The following FAHD2A variants were observed in gnomAD, a reference collection of about 807,000 sequenced individuals.
FAHD2A encodes fumarylacetoacetate hydrolase domain containing 2A.
In FAHD2A, 27 loss-of-function variants were observed where a neutral mutation model predicts 33.4. The observed-to-expected ratio is 0.81, with a 90% confidence interval of 0.60 to 1.11. The LOEUF (loss-of-function observed/expected upper bound fraction) is 1.11, where lower values mean the gene tolerates loss of function less well. FAHD2A is among the 50% of genes most tolerant of loss of function. The pLI, the probability that FAHD2A is intolerant of heterozygous loss-of-function variation, is 0.00. For synonymous variants in FAHD2A, 130 were observed against 153.3 expected (o/e 0.85, Z 1.12); for missense variants, 296 against 395.0 (o/e 0.75, Z 2.12).
chr2:95,417,665 G>A (rs537868871), downstream of FAHD2A, among the ~76,000 whole-genome samples: 4 of 152,218 alleles, frequency 2.6e-5, no homozygotes, highest in East Asian at 7.7e-4. Context: ...GCTGCTGAAG[G>A]GAACAACCAT....
intron 3 of FAHD2A, among the ~76,000 whole-genome samples, chr2:95,409,306 T>A (rs1340678976): frequency 6.6e-6 from 1 of 152,080 alleles, no homozygotes; most frequent in Admixed American, 6.6e-5. Flanking sequence ...GCACTGGGGG[T>A]TAGAGAACAA....
At position 95,410,914 on chromosome 2, in the gene FAHD2A, G is replaced by A. The variant is rs771772969; in HGVS notation, c.573G>A (p.Val191=). The change falls in exon 5 of 8, where the codon GTG becomes GTA. Residue 191 remains valine, a synonymous_variant. Coordinates refer to ENST00000233379, the MANE Select transcript of FAHD2A (RefSeq NM_016044.3). ...HVAGFTVAHD[V]SARDWQMRRN... ...CCGGCTTCACTGTGGCTCATGACGT[G>A]AGTGCTCGTGACTGGCAAATGAGAC... The A allele has an allele frequency of 1.6e-5, 26 of 1,613,894 alleles. No individual in the cohort carries two copies. Among genetic ancestry groups the A allele is most frequent in the Non-Finnish European group, 1.8e-5 (21 of 1,179,872 alleles).
chr2:95,409,321 C>CTT, intron 3 of FAHD2A, among the ~76,000 whole-genome samples: 1 of 146,536 alleles, frequency 6.8e-6, no homozygotes, highest in East Asian at 2.0e-4. Context: ...GAACAATGAC[C>CTT]TTTTTTTTTT....
chr2:95,421,005 C>CTGTGTGTGTGTG (rs57970330), downstream of FAHD2A, among the ~76,000 whole-genome samples: 37 of 129,966 alleles, frequency 2.8e-4, no homozygotes, highest in African/African-American at 6.7e-4. Context: ...GAATGAACCT[C>CTGTGTGTGTGTG]TGTGTGTGTG....
In FAHD2A at chr2:95,404,865, A is replaced by T. The variant is rs546642021; in HGVS notation, c.-6-688A>T. On this transcript the variant is annotated intron_variant, in intron 1 of 7. Transcript: ENST00000233379. ...CAGGCAACTTGTTCTCTATCAGGAG[A>T]AACGAAATAATTATTATCTGGAGAG... is the stretch of plus-strand genomic sequence containing the variant. Among the ~76,000 whole-genome samples, 7 of 152,302 alleles carry T rather than the reference A, an allele frequency of 4.6e-5. No homozygotes were observed. The East Asian group carries it at 1.2e-3, about 25-fold the overall frequency.
intron 3 of FAHD2A, among the ~76,000 whole-genome samples, chr2:95,408,557 A>G (rs941303563): frequency 6.6e-6 from 1 of 152,224 alleles, no homozygotes; most frequent in Non-Finnish European, 1.5e-5. Flanking sequence ...TCTTAGGTGG[A>G]TAGCAGCAGG....
chr2:95,412,820 A>G (rs1682763851), intron 7 of FAHD2A, 56 bp downstream of exon 7: 1 of 1,614,252 alleles, frequency 6.2e-7, no homozygotes, highest in Non-Finnish European at 8.5e-7. Context: ...GGCTTGCCTC[A>G]GACTTGAGAA....
chr2:95,410,452 A>G (rs1180929856), intron 3 of FAHD2A, 75 bp from the exon 4 acceptor site: 49 of 1,549,264 alleles, frequency 3.2e-5, no homozygotes, highest in Admixed American at 5.8e-5. Flanking sequence ...GCCCTTCAGC[A>G]TGGTGTGCAG....
downstream of FAHD2A, among the ~76,000 whole-genome samples, chr2:95,417,475 T>A (rs1683242414): frequency 6.6e-6 from 1 of 152,014 alleles, no homozygotes; most frequent in Non-Finnish European, 1.5e-5. Flanking sequence ...GGAAAAAAAA[T>A]GCAGAATTAA....
chr2:95,407,954 C>T (rs1681871498), intron 3 of FAHD2A, among the ~76,000 whole-genome samples: 1 of 151,674 alleles, frequency 6.6e-6, no homozygotes. Flanking sequence ...ATAACTTTTC[C>T]ACCTGGTTTC....
Position 95,413,222 on chromosome 2 carries a change from C to A in FAHD2A, c.*265C>A, listed in dbSNP as rs536060537. 12 of 1,108,294 alleles carry A rather than the reference C, an allele frequency of 1.1e-5. No homozygotes were observed. Among genetic ancestry groups the A allele is most frequent in the Non-Finnish European group, 1.5e-5 (12 of 789,274 alleles). The allele number at this position is 1,108,294 out of a possible 1,614,324, so 68.7% of individuals were successfully genotyped here. Reference sequence around the variant, plus strand: ...GGACTGGGGAAGAAGAGAGCAAATACACACACATATGCCAAAAAGATGCTG... The same window carrying A: ...GGACTGGGGAAGAAGAGAGCAAATAAACACACATATGCCAAAAAGATGCTG... On this transcript the variant is annotated 3_prime_UTR_variant, in exon 8 of 8. Transcript: ENST00000233379.
At chr2:95,412,870 A>G in intron 7 of FAHD2A, 25 bp from the exon 8 acceptor site, 1 of 1,614,266 alleles carries the variant, frequency 6.2e-7, no homozygotes. Context: ...AAGGGCTGAC[A>G]CTGTCATGGC....
intron 4 of FAHD2A, 31 bp from the exon 5 acceptor site, chr2:95,410,833 T>A: frequency 6.2e-7 from 1 of 1,612,804 alleles, no homozygotes; most frequent in South Asian, 1.1e-5. Flanking sequence ...TGATCTAACC[T>A]CCTGTATGGC....
Position 95,412,506 on chromosome 2 carries a change from T to G in FAHD2A, c.758T>G (p.Val253Gly). ...VVQSGNTNQM[V>G]FKTEDLIAWV... ...CAGAGCGGCAACACCAACCAGATGGTATTCAAGACAGAGGACCTGATAGCC... is the reference window on the plus strand; with the variant it reads ...CAGAGCGGCAACACCAACCAGATGGGATTCAAGACAGAGGACCTGATAGCC... The change falls in exon 6 of 8, where the codon GTA (valine) becomes GGA (glycine). Residue 253 changes from valine (V) to glycine (G), a missense_variant. Coordinates refer to ENST00000233379, the MANE Select transcript of FAHD2A (RefSeq NM_016044.3). 6.2e-7 allele frequency: 1 copy of G among 1,613,934 alleles called. No individual in the cohort carries two copies. Among genetic ancestry groups the G allele is most frequent in the Non-Finnish European group, 8.5e-7 (1 of 1,179,854 alleles).
At chr2:95,412,275 T>C (rs777145405) in intron 5 of FAHD2A, among the ~76,000 whole-genome samples, 159 bp from the exon 6 acceptor site, 1 of 152,052 alleles carries the variant, frequency 6.6e-6, no homozygotes, top group African/African-American at 2.4e-5. Flanking sequence ...GGCCAATGTC[T>C]ATACAGAAAG....
In FAHD2A at chr2:95,405,593, T is replaced by C. The variant is rs150496534; in HGVS notation, c.35T>C (p.Val12Ala). 4.0e-4 allele frequency: 647 copies of C among 1,613,682 alleles called. No individual in the cohort carries two copies. The East Asian group carries it at 4.1e-3, about 10-fold the overall frequency. ...TCTGGTAGAAGAAGGTTACTCACAG[T>C]TCTGCTGCAGGCTCAGAAGTGGCCC... is the stretch of plus-strand genomic sequence containing the variant. ...LVSGRRRLLT[V>A]LLQAQKWPFQ... The change falls in exon 2 of 8, where the codon GTT becomes GCT. Residue 12 changes from valine (V) to alanine (A), a missense_variant. Val to Ala is a moderately conservative substitution (Grantham distance 64). Transcript: ENST00000233379.
In FAHD2A at chr2:95,413,270, C is replaced by T. The variant is rs1273681328; in HGVS notation, c.*313C>T. On this transcript the variant is annotated 3_prime_UTR_variant, in exon 8 of 8. Coordinates refer to ENST00000233379, the MANE Select transcript of FAHD2A (RefSeq NM_016044.3). ...CTGCTGGGCTGGGGAAAAGACAATTCGTGTCGTCCCCTTGTTTATCACATC... is the reference window on the plus strand; with the variant it reads ...CTGCTGGGCTGGGGAAAAGACAATTTGTGTCGTCCCCTTGTTTATCACATC... 2.8e-5 allele frequency: 37 copies of T among 1,341,132 alleles called. No homozygotes were observed. The highest frequency in any genetic ancestry group is 1.0e-4 in the African/African-American group (7 of 67,560). The allele number at this position is 1,341,132 out of a possible 1,614,324, so 83.1% of individuals were successfully genotyped here. A position where few individuals can be genotyped will look rare whatever the true frequency, so the allele number is the denominator to read the frequency against.
chr2:95,413,753 T>G lies in FAHD2A; in HGVS notation c.*796T>G, dbSNP rs564242850. 1.4e-6 allele frequency: 1 copy of G among 722,268 alleles called. No individual in the cohort carries two copies. The highest frequency in any genetic ancestry group is 1.8e-5 in the African/African-American group (1 of 55,890). The allele number at this position is 722,268 out of a possible 1,614,324, so 44.7% of individuals were successfully genotyped here. ...CACCTAGAAGGATGAGCCAGTGATT[T>G]GGGAGACCAAGAGGCAGGAAACCAT... On this transcript the variant is annotated 3_prime_UTR_variant, in exon 8 of 8. Transcript: ENST00000233379.
At position 95,412,704 on chromosome 2, in the gene FAHD2A, C is replaced by T. The variant is rs1376428594; in HGVS notation, c.822C>T (p.Val274=). 6.2e-7 allele frequency: 1 copy of T among 1,614,066 alleles called. No individual in the cohort carries two copies. Among genetic ancestry groups the T allele is most frequent in the African/African-American group, 1.3e-5 (1 of 74,950 alleles). Residue 274 remains valine, a synonymous_variant, in exon 7 of 8, where the codon GTC becomes GTT. Coordinates refer to ENST00000233379, the MANE Select transcript of FAHD2A (RefSeq NM_016044.3). The stretch of plus-strand genomic sequence containing the variant: ...TTGTTACCTTTTACCCAGGGGATGT[C>T]ATCCTAACTGGGACCCCCCCAGGTG... ...SQFVTFYPGD[V]ILTGTPPGVG... is the part of the protein sequence containing the mutation.
Sources: allele counts gnomAD v4.1 joint callset (sites outside exome capture counted in the v4.1 genomes callset), GRCh38; gene constraint gnomAD v4.1.1; transcripts MANE v1.5; gene names NCBI Gene and HGNC (gene_info 2026-07-23, HGNC 2026-07-21).